Variants in MAST1 observed in about 807,000 individuals in gnomAD.
MAST1 encodes microtubule-associated serine/threonine-protein kinase 1.
Under a neutral mutation model 124.6 loss-of-function variants are expected in MAST1, and 40 were observed. The ratio of observed to expected loss-of-function variants is 0.32; its 90% CI spans 0.25 to 0.42. The LOEUF (loss-of-function observed/expected upper bound fraction) is 0.42, where lower values mean the gene tolerates loss of function less well. Ranked by LOEUF, MAST1 falls within the 10% of genes least tolerant of loss-of-function variation. MAST1 has a pLI of 1.00. For synonymous variants in MAST1, 938 were observed against 939.4 expected, an observed-to-expected ratio of 1.00 and a Z score of 0.03; for missense variants, 1,558 against 2,181.9, an observed-to-expected ratio of 0.71 and a Z score of 5.70.
intron 12 of MAST1, among the ~76,000 whole-genome samples, chr19:12,864,007 C>T (rs1280541146): frequency 6.6e-6 from 1 of 151,290 alleles, no homozygotes; most frequent in African/African-American, 2.4e-5. Flanking sequence ...TCTCTGCAAC[C>T]TCTGCCTCCC....
chr19:12,858,448 C>T lies in MAST1; in HGVS notation c.1157+7C>T, dbSNP rs1390556634. 1 of 1,613,276 alleles carries T rather than the reference C, an allele frequency of 6.2e-7. No individual in the cohort carries two copies. The highest frequency in any genetic ancestry group is 1.3e-5 in the African/African-American group (1 of 74,902). On this transcript the variant is annotated splice_region_variant and intron_variant, in intron 11 of 25. Transcript: ENST00000251472. The stretch of plus-strand genomic sequence containing the variant: ...TAAGCAACGGTGCCTACGGGTGAGC[C>T]ACCCGGGGCTCTGGCGGGGGGAGGG...
chr19:12,863,120 C>G (rs1427688060), intron 12 of MAST1, among the ~76,000 whole-genome samples: 2 of 133,582 alleles, frequency 1.5e-5, no homozygotes, highest in East Asian at 4.3e-4. Flanking sequence ...GATGGAGCCA[C>G]TGCACTCTAG....
chr19:12,854,092 C>G (rs1005385534), intron 10 of MAST1, among the ~76,000 whole-genome samples: 1 of 150,346 alleles, frequency 6.7e-6, no homozygotes, highest in South Asian at 2.1e-4. Context: ...TCTATTTTCT[C>G]TCTCTGTGGA....
intron 10 of MAST1, 97 bp downstream of exon 10, chr19:12,852,492 T>G: frequency 5.2e-6 from 6 of 1,156,492 alleles, no homozygotes; most frequent in African/African-American, 1.5e-5. Context: ...TGTGGATCTC[T>G]TGGTCCTACA....
At position 12,874,061 on chromosome 19, in the gene MAST1, C is replaced by A; in HGVS notation, c.3904C>A (p.Leu1302Met). 6.3e-7 allele frequency: 1 copy of A among 1,597,906 alleles called. No individual in the cohort carries two copies. The highest frequency in any genetic ancestry group is 8.5e-7 in the Non-Finnish European group (1 of 1,175,358). Reference sequence around the variant, plus strand: ...TTTCCGCAAGGACTTCCATGGCGAGCTGGCGCTGCATAGCCTTGCCGAGTC... The same window carrying A: ...TTTCCGCAAGGACTTCCATGGCGAGATGGCGCTGCATAGCCTTGCCGAGTC... ...PDFRKDFHGE[L>M]ALHSLAESDG... Residue 1302 changes from leucine (L) to methionine (M), a missense_variant, in exon 26 of 26, where the codon CTG (leucine) becomes ATG (methionine). Physicochemically the swap from Leu to Met is conservative, Grantham distance 15. Around this residue, in one of 10 missense-constraint regions of MAST1, gnomAD observed 263 missense variants for 310.9 expected, o/e 0.85. Transcript: ENST00000251472. The surrounding 1 kb of genome is among the most constrained non-coding windows in gnomAD (Gnocchi z 6.6).
In MAST1 at chr19:12,847,768, G is replaced by T. The variant is rs895222537; in HGVS notation, c.565-80G>T. On this transcript the variant is annotated intron_variant, in intron 6 of 25. Transcript: ENST00000251472. This position sits in a 1 kb window ranked among gnomAD's most constrained non-coding sequence, Gnocchi z 5.5. Reference sequence around the variant, plus strand: ...GCCTTATCCCCGCGCGCCCCCTGGCGGCCTCGGTGCGCAGCGCAGGCTCCT... The same window carrying T: ...GCCTTATCCCCGCGCGCCCCCTGGCTGCCTCGGTGCGCAGCGCAGGCTCCT... 4.2e-5 allele frequency: 66 copies of T among 1,583,270 alleles called. No homozygotes were observed. The highest frequency in any genetic ancestry group is 5.5e-5 in the Non-Finnish European group (64 of 1,161,512).
At chr19:12,858,006 C>CAAAAAAAAAAAAAAAAAAAAAAA (rs539497049) in intron 10 of MAST1, among the ~76,000 whole-genome samples, 2 of 49,446 alleles carry the variant, frequency 4.0e-5, no homozygotes, top group African/African-American at 1.1e-4. Context: ...GAACCTATCT[C>CAAAAAAAAAAAAAAAAAAAAAAA]AAAAAAAAAA....
intron 10 of MAST1, among the ~76,000 whole-genome samples, chr19:12,857,147 G>A (rs191794950): frequency 6.6e-6 from 1 of 151,900 alleles, no homozygotes; most frequent in Non-Finnish European, 1.5e-5. Context: ...GCAATGCCAC[G>A]ATCTCGGCTC....
chr19:12,838,680 T>C lies in MAST1; in HGVS notation c.83+25T>C. On this transcript the variant is annotated intron_variant, in intron 1 of 25. Coordinates refer to ENST00000251472, the MANE Select transcript of MAST1 (RefSeq NM_014975.3). This position sits in a 1 kb window ranked among gnomAD's most constrained non-coding sequence, Gnocchi z 4.3. ...GGTAGACCCCCGATCCCCTAGACAT[T>C]GTCCCGGCCCTCCCCGCAAAAGCCG... is the stretch of plus-strand genomic sequence containing the variant. 1 of 1,600,940 alleles carries C rather than the reference T, an allele frequency of 6.2e-7. No individual in the cohort carries two copies. The highest frequency in any genetic ancestry group is 8.5e-7 in the Non-Finnish European group (1 of 1,173,110).
In MAST1 at chr19:12,865,853, T is replaced by C. The variant is rs1016934178; in HGVS notation, c.1906+35T>C. ...CCATGCAGAGGAGCTGAGGGCCCAC[T>C]GATAGAGAGCAGGCCTCCAAAACCC... On this transcript the variant is annotated intron_variant, in intron 16 of 25. Coordinates refer to ENST00000251472, the MANE Select transcript of MAST1 (RefSeq NM_014975.3). This position sits in a 1 kb window ranked among gnomAD's most constrained non-coding sequence, Gnocchi z 7.1. The C allele has an allele frequency of 9.3e-6, 15 of 1,604,534 alleles. No homozygotes were observed. The African/African-American group carries it at 2.0e-4, about 21-fold the overall frequency.
rs1197683155 is a variant in MAST1 at position 12,874,469 on chromosome 19, G to A, written c.4312G>A (p.Val1438Ile). ...GGGCACACCCCTGGTACCCATTGTCGTAGAGCCTGCGCGGCCCGGGGCTAA... is the reference window on the plus strand; with the variant it reads ...GGGCACACCCCTGGTACCCATTGTCATAGAGCCTGCGCGGCCCGGGGCTAA... ...EAGTPLVPIV[V>I]EPARPGAKAV... Residue 1438 changes from valine to isoleucine, a missense_variant, in exon 26 of 26, where the codon GTA becomes ATA. This residue lies in a region of MAST1 where 263 missense variants were observed against 310.9 expected (regional missense o/e 0.85). Transcript: ENST00000251472. The surrounding 1 kb of genome is among the most constrained non-coding windows in gnomAD (Gnocchi z 6.6). The A allele has an allele frequency of 6.3e-7, 1 of 1,585,390 alleles. No individual in the cohort carries two copies.
chr19:12,874,312 C>T lies in MAST1; in HGVS notation c.4155C>T (p.Asp1385=), dbSNP rs778519875. 4.0e-5 allele frequency: 64 copies of T among 1,594,160 alleles called. No individual in the cohort carries two copies. The highest frequency in any genetic ancestry group is 5.1e-5 in the Non-Finnish European group (60 of 1,176,528). The part of the protein sequence containing the change: ...TTPGGRTLER[D]VGCTRHQSVQ... ...CCGGTGGCCGGACCCTGGAGCGGGA[C>T]GTCGGCTGCACGCGGCATCAGAGCG... The change falls in exon 26 of 26, where the codon GAC becomes GAT. Residue 1385 remains aspartate, a synonymous_variant. Coordinates refer to ENST00000251472, the MANE Select transcript of MAST1 (RefSeq NM_014975.3). This position sits in a 1 kb window ranked among gnomAD's most constrained non-coding sequence, Gnocchi z 6.6.
intron 4 of MAST1, among the ~76,000 whole-genome samples, chr19:12,846,912 G>GAGC (rs989200976): frequency 1.9e-4 from 29 of 150,810 alleles, no homozygotes; most frequent in Non-Finnish European, 4.0e-4. Context: ...ACTGTAGCTG[G>GAGC]AGCAGAGGAA....
chr19:12,862,038 G>A (rs1176314038), intron 12 of MAST1, among the ~76,000 whole-genome samples: 3 of 129,676 alleles, frequency 2.3e-5, no homozygotes, highest in South Asian at 2.4e-4. Flanking sequence ...TCTCACTCAC[G>A]CTGTCACCCA....
At chr19:12,861,784 C>A (rs1413735627) in intron 12 of MAST1, among the ~76,000 whole-genome samples, 3 of 151,162 alleles carry the variant, frequency 2.0e-5, no homozygotes, top group Non-Finnish European at 4.4e-5. Context: ...CTCACTGCAA[C>A]CTCCGCCTCC....
chr19:12,853,269 C>A (rs1162703805), intron 10 of MAST1, among the ~76,000 whole-genome samples: 2 of 151,468 alleles, frequency 1.3e-5, no homozygotes, highest in Non-Finnish European at 2.9e-5. Context: ...CCGCGCCCGG[C>A]CTTTTTAACC....
Position 12,847,758 on chromosome 19 carries a change from G to C in MAST1, c.564+71G>C. 6.3e-7 allele frequency: 1 copy of C among 1,584,884 alleles called. No individual in the cohort carries two copies. The highest frequency in any genetic ancestry group is 8.6e-7 in the Non-Finnish European group (1 of 1,161,860). On this transcript the variant is annotated intron_variant, in intron 6 of 25. Coordinates refer to ENST00000251472, the MANE Select transcript of MAST1 (RefSeq NM_014975.3). This position sits in a 1 kb window ranked among gnomAD's most constrained non-coding sequence, Gnocchi z 5.5. ...ACTCTCGCTCGCCTTATCCCCGCGC[G>C]CCCCCTGGCGGCCTCGGTGCGCAGC...
chr19:12,843,139 G>A lies in MAST1; in HGVS notation c.249-390G>A, dbSNP rs1286850106. Among the ~76,000 whole-genome samples the A allele has an allele frequency of 3.3e-5, 5 of 152,124 alleles. No homozygotes were observed. The highest frequency in any genetic ancestry group is 2.6e-4 in the Admixed American group (4 of 15,266). On this transcript the variant is annotated intron_variant, in intron 3 of 25. Transcript: ENST00000251472. The surrounding 1 kb of genome is among the most constrained non-coding windows in gnomAD (Gnocchi z 4.9). ...AATATTCTATGTCAGAACATGTTGG[G>A]GGGTGGGACGGGTCTTTTTTCTCTG...
At chr19:12,856,258 A>G (rs530274243) in intron 10 of MAST1, among the ~76,000 whole-genome samples, 1 of 151,378 alleles carries the variant, frequency 6.6e-6, no homozygotes, top group East Asian at 1.9e-4. Context: ...TTTTTTCCCC[A>G]TTGCCCTATA....
Sources: allele counts gnomAD v4.1 joint callset (sites outside exome capture counted in the v4.1 genomes callset), GRCh38; gene constraint gnomAD v4.1.1; regional missense constraint gnomAD v4.1.1; non-coding constraint Gnocchi (gnomAD v3.1); transcripts MANE v1.5; gene names NCBI Gene and HGNC (gene_info 2026-07-23, HGNC 2026-07-21).